The following F8 variants were observed in gnomAD, a reference collection of about 807,000 sequenced individuals.
The protein encoded by F8 is antihemophilic factor.
F8 carries 12 observed loss-of-function variants against 140.6 expected under a neutral mutation model. The observed-to-expected ratio is 0.09, with a 90% CI of 0.05 to 0.14. F8 has a LOEUF of 0.14. Among genes scored for constraint, F8 ranks in the 10% least tolerant of loss-of-function variants. The probability of loss-of-function intolerance (pLI) is 1.00; values close to 1 mark genes in which losing one functional copy is unlikely to be tolerated. For synonymous variants in F8, 585 were observed against 614.6 expected (o/e 0.95, Z 0.71); for missense variants, 1,354 against 1,720.7 (o/e 0.79, Z 3.77).
chrX:154,873,678 A>G (rs1226042577), intron 22 of F8, among the ~76,000 whole-genome samples: 1 of 112,417 alleles, frequency 8.9e-6, no homozygotes, highest in Admixed American at 9.4e-5. Flanking sequence ...AAAAGCCCAG[A>G]AATAAGTTCA....
At chrX:154,840,649 T>C (rs1174565574) in intron 25 of F8, among the ~76,000 whole-genome samples, 2 of 112,426 alleles carry the variant, frequency 1.8e-5, no homozygotes, top group African/African-American at 3.2e-5. Context: ...AATTCAACTC[T>C]AACATTCTTT....
intron 13 of F8, among the ~76,000 whole-genome samples, chrX:154,938,473 C>A (rs1019134323): frequency 8.9e-6 from 1 of 111,851 alleles, no homozygotes; most frequent in Non-Finnish European, 1.9e-5. Flanking sequence ...ACACAGCAAT[C>A]AGACTTCTAG....
intron 13 of F8, among the ~76,000 whole-genome samples, chrX:154,944,390 A>G (rs2073290140): frequency 9.0e-6 from 1 of 111,545 alleles, no homozygotes; most frequent in Admixed American, 9.5e-5. Flanking sequence ...AAAAGAAGAC[A>G]TTTATGCAGC....
At chrX:154,905,682 A>G (rs1188959144) in intron 15 of F8, among the ~76,000 whole-genome samples, 1 of 112,049 alleles carries the variant, frequency 8.9e-6, no homozygotes, top group Non-Finnish European at 1.9e-5. Flanking sequence ...AACTGAGGAA[A>G]GTATAGGTGT....
At chrX:154,913,700 C>T (rs1344080178) in intron 14 of F8, among the ~76,000 whole-genome samples, 1 of 112,979 alleles carries the variant, frequency 8.9e-6, no homozygotes, top group Non-Finnish European at 1.9e-5. Flanking sequence ...TCCTTTGACT[C>T]CGTGTCTCAC....
In F8 at chrX:154,928,648, T is replaced by C. The variant is rs1184545029; in HGVS notation, c.5142A>G (p.Thr1714=). 1.2e-5 allele frequency: 14 copies of C among 1,210,546 alleles called. No homozygotes were observed. The highest frequency in any genetic ancestry group is 3.5e-5 in the South Asian group (2 of 56,489). ...NQSPRSFQKK[T]RHYFIAAVER... The stretch of plus-strand genomic sequence containing the variant: ...CCACTGCAGCAATAAAATAGTGTCG[T>C]GTTTTCTTTTGAAAGCTGCGGGGGC... The change falls in exon 14 of 26, where the codon ACA becomes ACG. Residue 1714 remains threonine, a synonymous_variant. Transcript: ENST00000360256.
chrX:154,954,577 T>C lies in F8; in HGVS notation c.1753-535A>G, dbSNP rs1603434727. On this transcript the variant is annotated intron_variant, in intron 11 of 25. Coordinates refer to ENST00000360256, the MANE Select transcript of F8 (RefSeq NM_000132.4). ...ACACTAATACCTTAAATTTTCTGTT[T>C]AAAACATTCAAATTTTTTTCAGAAG... Among the ~76,000 whole-genome samples the C allele has an allele frequency of 2.7e-5, 3 of 112,437 alleles. No individual in the cohort carries two copies. In the East Asian group the frequency reaches 8.3e-4, roughly 31 times the overall value.
chrX:154,852,650 C>T (rs188628305), intron 25 of F8, among the ~76,000 whole-genome samples: 1 of 111,239 alleles, frequency 9.0e-6, no homozygotes, highest in South Asian at 3.7e-4. Flanking sequence ...ACTCCTCCAA[C>T]GTTGTTCTTT....
At position 154,984,742 on chromosome X, in the gene F8, A is replaced by G. The variant is rs1557284049; in HGVS notation, c.732T>C (p.Ala244=). 1.7e-6 allele frequency: 2 copies of G among 1,211,533 alleles called. No homozygotes were observed. The highest frequency in any genetic ancestry group is 5.9e-5 in the East Asian group (2 of 33,846). ...CTGTGTGCATTTTAGGCCAGGCCCGAGCAGATGCAGCATCCCTATCCTGCA... is the reference window on the plus strand; with the variant it reads ...CTGTGTGCATTTTAGGCCAGGCCCGGGCAGATGCAGCATCCCTATCCTGCA... The part of the protein sequence containing the change: ...SLMQDRDAAS[A]RAWPKMHTVN... Residue 244 remains alanine, a synonymous_variant, in exon 6 of 26, where the codon GCT becomes GCC. Coordinates refer to ENST00000360256, the MANE Select transcript of F8 (RefSeq NM_000132.4).
At chrX:154,946,736 G>A (rs1276789427) in intron 13 of F8, among the ~76,000 whole-genome samples, 2 of 111,549 alleles carry the variant, frequency 1.8e-5, no homozygotes, top group Non-Finnish European at 3.8e-5. Flanking sequence ...ATTATATCAA[G>A]CCATAAAGCT....
intron 10 of F8, among the ~76,000 whole-genome samples, chrX:154,959,079 T>C (rs1557281431): frequency 6.2e-5 from 7 of 112,056 alleles, no homozygotes. Flanking sequence ...AAGTAGTTAA[T>C]GCTATTCACT....
intron 22 of F8, among the ~76,000 whole-genome samples, chrX:154,876,726 C>G (rs1004148972): frequency 9.0e-6 from 1 of 111,010 alleles, no homozygotes; most frequent in Admixed American, 9.6e-5. Flanking sequence ...AATTAAATCC[C>G]AGGTAATAAG....
intron 24 of F8, 22 bp downstream of exon 24, chrX:154,861,696 C>G: frequency 2.5e-6 from 3 of 1,210,429 alleles, no homozygotes; most frequent in Non-Finnish European, 3.4e-6. Flanking sequence ...GTCAGTTAAA[C>G]AGTAAATCTG....
chrX:154,878,526 C>T (rs1277592944), intron 22 of F8, among the ~76,000 whole-genome samples: 1 of 105,469 alleles, frequency 9.5e-6, no homozygotes, highest in African/African-American at 3.5e-5. Context: ...CCAAAACTAA[C>T]ATCACACTCA....
At chrX:154,976,898 G>GTT in intron 6 of F8, among the ~76,000 whole-genome samples, 1 of 111,700 alleles carries the variant, frequency 9.0e-6, no homozygotes, top group Middle Eastern at 4.7e-3. Context: ...TTTTTGATAG[G>GTT]TAAGAACTTG....
intron 1 of F8, among the ~76,000 whole-genome samples, chrX:155,013,010 G>A (rs1455621182): frequency 9.2e-6 from 1 of 108,808 alleles, no homozygotes; most frequent in African/African-American, 3.4e-5. Context: ...GCCAGGCGTG[G>A]TGGCGGGCGC....
At chrX:154,999,671 A>G in intron 1 of F8, 71 bp from the exon 2 acceptor site, 15 of 1,138,814 alleles carry the variant, frequency 1.3e-5, no homozygotes, top group South Asian at 1.3e-4. Flanking sequence ...TAATGCTTCC[A>G]TACTACTCTT....
Position 154,903,840 on chromosome X carries a change from A to G in F8, c.5998+66T>C, listed in dbSNP as rs1039192215. 10 of 989,094 alleles carry G rather than the reference A, an allele frequency of 1.0e-5. No individual in the cohort carries two copies. The African/African-American group carries it at 1.7e-4, about 17-fold the overall frequency. 81.5% of individuals were successfully genotyped at this position (989,094 alleles called of 1,213,427 possible). ...ATCACTGATTGTGTTCCCAGTGCCT[A>G]GACCATTTAAAGTAAGTACTCAACA... is the stretch of plus-strand genomic sequence containing the variant. On this transcript the variant is annotated intron_variant, in intron 18 of 25. Coordinates refer to ENST00000360256, the MANE Select transcript of F8 (RefSeq NM_000132.4).
intron 13 of F8, among the ~76,000 whole-genome samples, chrX:154,934,241 G>A (rs1346156723): frequency 8.9e-6 from 1 of 111,762 alleles, no homozygotes; most frequent in Admixed American, 9.5e-5. Context: ...GCTCATGGCT[G>A]GCAGATTTCA....
Sources: gnomAD v4.1 joint callset for allele counts (sites outside exome capture counted in the v4.1 genomes callset) on GRCh38, gnomAD v4.1.1 for gene constraint, MANE v1.5 for transcripts, NCBI Gene and HGNC (gene_info 2026-07-23, HGNC 2026-07-21) for gene names.